The following MAP3K8 variants were observed in gnomAD, a reference collection of about 807,000 sequenced individuals.
MAP3K8 encodes mitogen-activated protein kinase kinase kinase 8, also known as Ewing sarcoma transformant.
MAP3K8 carries 22 observed loss-of-function variants against 45.8 expected under a neutral mutation model. That is an observed-to-expected ratio of 0.48 (90% confidence interval 0.34 to 0.69). The LOEUF is 0.69. Ranked by LOEUF, MAP3K8 falls within the 30% of genes least tolerant of loss-of-function variation. The probability of loss-of-function intolerance (pLI) is 0.01; values close to 1 mark genes in which losing one functional copy is unlikely to be tolerated. For synonymous variants in MAP3K8, 223 were observed against 214.3 expected (o/e 1.04, Z -0.36); for missense variants, 419 against 585.0 (o/e 0.72, Z 2.93).
chr10:30,445,557 A>G (rs1381460902), intron 3 of MAP3K8, among the ~76,000 whole-genome samples: 2 of 152,222 alleles, frequency 1.3e-5, no homozygotes, highest in African/African-American at 4.8e-5. Context: ...ATGACAAGAA[A>G]CGGAAAATCA....
intron 8 of MAP3K8, among the ~76,000 whole-genome samples, 165 bp downstream of exon 8, chr10:30,459,666 T>C (rs1430167109): frequency 6.6e-6 from 1 of 152,186 alleles, no homozygotes; most frequent in Non-Finnish European, 1.5e-5. Flanking sequence ...GCATGTTTTT[T>C]TTTTTAAATT....
At position 30,439,146 on chromosome 10, in the gene MAP3K8, G is replaced by A. The variant is rs760273502; in HGVS notation, c.208G>A (p.Val70Ile). Reference sequence around the variant, plus strand: ...GTCTCTGCTGCTTAGTGGCCAAGAGGTACCATGGTTGTCATCAGTCAGATA... The same window carrying A: ...GTCTCTGCTGCTTAGTGGCCAAGAGATACCATGGTTGTCATCAGTCAGATA... ...SKSLLLSGQE[V>I]PWLSSVRYGT... The change falls in exon 3 of 9, where the codon GTA (valine) becomes ATA (isoleucine). Residue 70 changes from valine to isoleucine, a missense_variant. Val to Ile is a conservative substitution (Grantham distance 29). Transcript: ENST00000263056. 3 of 1,614,026 alleles carry A rather than the reference G, an allele frequency of 1.9e-6. No individual in the cohort carries two copies. Among genetic ancestry groups the A allele is most frequent in the Non-Finnish European group, 1.7e-6 (2 of 1,180,034 alleles).
intron 3 of MAP3K8, among the ~76,000 whole-genome samples, chr10:30,440,148 A>G (rs8176970): frequency 0.016 from 2,471 of 152,346 alleles, 70 homozygotes; most frequent in African/African-American, 0.056. Context: ...TTTTGTTGCC[A>G]TAATAGTAGA....
intron 8 of MAP3K8, 43 bp downstream of exon 8, chr10:30,459,544 CT>C: frequency 6.2e-7 from 1 of 1,606,316 alleles, no homozygotes; most frequent in Non-Finnish European, 8.5e-7. Context: ...CTTCCCTTCT[CT>C]TTCTGTCCAC....
Position 30,447,778 on chromosome 10 carries a change from G to A in MAP3K8, c.337-4G>A. 1 of 1,612,586 alleles carries A rather than the reference G, an allele frequency of 6.2e-7. No individual in the cohort carries two copies. On this transcript the variant is annotated splice_polypyrimidine_tract_variant and splice_region_variant and intron_variant, in intron 3 of 8. Transcript: ENST00000263056. ...CACCGTCTCACATTTTTATTTTGTTGTAGGTCATCACTCCCCAAAATGGAC... is the reference window on the plus strand; with the variant it reads ...CACCGTCTCACATTTTTATTTTGTTATAGGTCATCACTCCCCAAAATGGAC...
intron 3 of MAP3K8, among the ~76,000 whole-genome samples, chr10:30,442,093 A>T (rs566284068): frequency 6.6e-6 from 1 of 152,372 alleles, no homozygotes; most frequent in African/African-American, 2.4e-5. Context: ...CAGCTTGGAC[A>T]TCTGCAGTGC....
intron 3 of MAP3K8, among the ~76,000 whole-genome samples, chr10:30,441,070 G>C (rs907956089): frequency 6.6e-6 from 1 of 152,016 alleles, no homozygotes; most frequent in Non-Finnish European, 1.5e-5. Flanking sequence ...GGATAAAATT[G>C]TATCAGCAAA....
rs140971081 is a variant in MAP3K8 at position 30,452,540 on chromosome 10, G to A, written c.873+796G>A. 4.7e-4 allele frequency among the ~76,000 whole-genome samples: 72 copies of A among 152,102 alleles called. 5 individuals are homozygous for A. The East Asian group carries it at 0.014, about 29-fold the overall frequency. The stretch of plus-strand genomic sequence containing the variant: ...CTCAGCTAGTTGGGAGGCTGAGGTA[G>A]GAGGATTGCTTGAGCCCAGGAGTTC... On this transcript the variant is annotated intron_variant, in intron 6 of 8. Transcript: ENST00000263056.
At chr10:30,451,049 G>A (rs1215270202) in intron 5 of MAP3K8, among the ~76,000 whole-genome samples, 1 of 145,338 alleles carries the variant, frequency 6.9e-6, no homozygotes, top group African/African-American at 2.6e-5. Context: ...CTGAGATGGC[G>A]CCATTGCTCT....
intron 1 of MAP3K8, 46 bp from the exon 2 acceptor site, chr10:30,437,130 C>A: frequency 1.0e-6 from 1 of 982,532 alleles, no homozygotes; most frequent in Non-Finnish European, 1.2e-6. Flanking sequence ...GAAAGCATTT[C>A]ATAGGTTTCT....
intron 3 of MAP3K8, among the ~76,000 whole-genome samples, chr10:30,446,264 G>A (rs956124322): frequency 2.1e-4 from 32 of 152,150 alleles, no homozygotes; most frequent in African/African-American, 7.0e-4. Flanking sequence ...GCCAGGCGCC[G>A]TGGCTCACGC....
At chr10:30,452,968 C>T (rs560496071) in intron 6 of MAP3K8, among the ~76,000 whole-genome samples, 4 of 152,166 alleles carry the variant, frequency 2.6e-5, no homozygotes, top group South Asian at 4.2e-4. Context: ...TTTGAGCCCC[C>T]GTGTCTGGCC....
chr10:30,460,410 G>A (rs190466642), intron 8 of MAP3K8, among the ~76,000 whole-genome samples: 20 of 152,266 alleles, frequency 1.3e-4, no homozygotes, highest in Middle Eastern at 6.8e-3. Context: ...AGCCTGGTGC[G>A]CTTGTTTATA....
intron 3 of MAP3K8, among the ~76,000 whole-genome samples, chr10:30,446,443 G>C (rs904454953): frequency 6.6e-6 from 1 of 151,272 alleles, no homozygotes; most frequent in Non-Finnish European, 1.5e-5. Context: ...GCTGAGATGA[G>C]AGAATCCCTT....
intron 1 of MAP3K8, among the ~76,000 whole-genome samples, chr10:30,436,872 C>T (rs574757017): frequency 6.6e-6 from 1 of 151,602 alleles, no homozygotes; most frequent in African/African-American, 2.4e-5. Flanking sequence ...TCCTTTCAAC[C>T]CCTGAGGCCC....
chr10:30,460,884 G>A lies in MAP3K8; in HGVS notation c.*48G>A. The stretch of plus-strand genomic sequence containing the variant: ...TTAAGACAGCATTGATCTCCTGGAG[G>A]CTGGTTCTGCTGCCTCTACACAGGG... On this transcript the variant is annotated 3_prime_UTR_variant, in exon 9 of 9. Transcript: ENST00000263056. 6.2e-7 allele frequency: 1 copy of A among 1,604,194 alleles called. No homozygotes were observed. Among genetic ancestry groups the A allele is most frequent in the Non-Finnish European group, 8.5e-7 (1 of 1,177,374 alleles).
chr10:30,459,231 C>T (rs777265570), intron 7 of MAP3K8, 24 bp from the exon 8 acceptor site: 3 of 1,613,702 alleles, frequency 1.9e-6, no homozygotes, highest in Non-Finnish European at 2.5e-6. Flanking sequence ...ACCTTTGATG[C>T]TAAGAGAGCT....
intron 6 of MAP3K8, among the ~76,000 whole-genome samples, chr10:30,457,635 GTGTTTTGTTT>G (rs571549289): frequency 6.6e-6 from 1 of 152,070 alleles, no homozygotes; most frequent in Non-Finnish European, 1.5e-5. Flanking sequence ...GAAAAAGGTG[GTGTTTTGTTT>G]TGTTTTGTTT....
Position 30,439,245 on chromosome 10 carries a change from C to A in MAP3K8, c.307C>A (p.Pro103Thr). 2 of 1,614,190 alleles carry A rather than the reference C, an allele frequency of 1.2e-6. No homozygotes were observed. Among genetic ancestry groups the A allele is most frequent in the African/African-American group, 1.3e-5 (1 of 75,050 alleles). Reference sequence around the variant, plus strand: ...TGCAAAGCATTTTTATGGACAACGACCACAGGAATCTGGAATTTTATTAAA... The same window carrying A: ...TGCAAAGCATTTTTATGGACAACGAACACAGGAATCTGGAATTTTATTAAA... Reference protein sequence around the residue: ...NTAKHFYGQRPQESGILLNMV... With the variant: ...NTAKHFYGQRTQESGILLNMV... The change falls in exon 3 of 9, where the codon CCA (proline) becomes ACA (threonine). Residue 103 changes from proline (P) to threonine (T), a missense_variant. By Grantham distance (38) the Pro-to-Thr change is conservative. Coordinates refer to ENST00000263056, the MANE Select transcript of MAP3K8 (RefSeq NM_005204.4).
Sources: gnomAD v4.1 joint callset for allele counts (sites outside exome capture counted in the v4.1 genomes callset) on GRCh38, gnomAD v4.1.1 for gene constraint, MANE v1.5 for transcripts, NCBI Gene and HGNC (gene_info 2026-07-23, HGNC 2026-07-21) for gene names.